The following RBFOX1 variants were observed in gnomAD, a reference collection of about 807,000 sequenced individuals.
RBFOX1 encodes the protein RNA binding fox-1 homolog 1.
In RBFOX1, 8 loss-of-function variants were observed where a neutral mutation model predicts 57.7. The ratio of observed to expected loss-of-function variants is 0.14; its 90% confidence interval spans 0.08 to 0.25. The LOEUF is 0.25. Among genes scored for constraint, RBFOX1 ranks in the 10% least tolerant of loss-of-function variants. The probability of loss-of-function intolerance (pLI) is 1.00; values close to 1 mark genes in which losing one functional copy is unlikely to be tolerated. For synonymous variants in RBFOX1, 326 were observed against 222.4 expected, an observed-to-expected ratio of 1.47 and a Z score of -4.15; for missense variants, 611 against 548.5, an observed-to-expected ratio of 1.11 and a Z score of -1.14.
intron 2 of RBFOX1, among the ~76,000 whole-genome samples, chr16:6,569,533 C>T (rs147197557): frequency 1.8e-4 from 27 of 152,182 alleles, no homozygotes; most frequent in Non-Finnish European, 3.1e-4. Context: ...ACCTCTGAGA[C>T]GAAGTCAGTC....
intron 3 of RBFOX1, among the ~76,000 whole-genome samples, chr16:6,749,602 C>A (rs1055290842): frequency 3.9e-5 from 6 of 152,118 alleles, no homozygotes; most frequent in African/African-American, 1.2e-4. Flanking sequence ...TTCATTGCAC[C>A]GTTTATTGAC....
intron 3 of RBFOX1, among the ~76,000 whole-genome samples, chr16:6,700,361 A>G (rs938573944): frequency 9.7e-6 from 1 of 103,356 alleles, no homozygotes; most frequent in African/African-American, 2.7e-5. Context: ...TTAAAACAAA[A>G]AAAAAAAGAA....
intron 3 of RBFOX1, among the ~76,000 whole-genome samples, chr16:6,715,162 A>T (rs1368979729): frequency 1.3e-5 from 2 of 152,190 alleles, no homozygotes; most frequent in African/African-American, 2.4e-5. Context: ...TAAAGACTTT[A>T]AGAAACCCTC....
chr16:7,252,570 A>G (rs986101067), intron 4 of RBFOX1, among the ~76,000 whole-genome samples: 2 of 152,232 alleles, frequency 1.3e-5, no homozygotes, highest in African/African-American at 4.8e-5. Context: ...CATCCAATAT[A>G]ACAGCAATCT....
chr16:6,522,311 G>T (rs1567544593), intron 2 of RBFOX1, among the ~76,000 whole-genome samples: 1 of 152,030 alleles, frequency 6.6e-6, no homozygotes, highest in Non-Finnish European at 1.5e-5. Context: ...GGGAGGGAAT[G>T]CCATAATTCC....
chr16:6,216,975 T>C (rs2097339703), intron 1 of RBFOX1, among the ~76,000 whole-genome samples: 1 of 152,284 alleles, frequency 6.6e-6, no homozygotes, highest in African/African-American at 2.4e-5. Flanking sequence ...CCACTTAAAC[T>C]GAAGCCCTTT....
At chr16:6,868,518 C>G (rs536159416) in intron 3 of RBFOX1, among the ~76,000 whole-genome samples, 1 of 152,050 alleles carries the variant, frequency 6.6e-6, no homozygotes, top group African/African-American at 2.4e-5. Flanking sequence ...GTCACCCAGG[C>G]TGGAGTGCGG....
At chr16:5,423,702 C>A (rs929871024) in intron 1 of RBFOX1, among the ~76,000 whole-genome samples, 7 of 152,202 alleles carry the variant, frequency 4.6e-5, no homozygotes. Flanking sequence ...CTCTGTCCCC[C>A]CTTCCATTGA....
At chr16:6,352,070 G>C (rs1428077396) in intron 2 of RBFOX1, among the ~76,000 whole-genome samples, 4 of 152,144 alleles carry the variant, frequency 2.6e-5, no homozygotes, top group African/African-American at 4.8e-5. Context: ...GAATGAGCTG[G>C]AGGTATCACA....
chr16:6,663,579 C>T (rs1014319390), intron 3 of RBFOX1, among the ~76,000 whole-genome samples: 4 of 152,156 alleles, frequency 2.6e-5, no homozygotes, highest in Non-Finnish European at 4.4e-5. Flanking sequence ...AAGACCAAAG[C>T]GAAGATACTT....
At chr16:6,952,084 C>G (rs556664898) in intron 3 of RBFOX1, among the ~76,000 whole-genome samples, 4 of 152,160 alleles carry the variant, frequency 2.6e-5, no homozygotes, top group African/African-American at 4.8e-5. Flanking sequence ...GTACCTTTAT[C>G]TTTCTGAAAA....
chr16:7,418,792 C>T (rs201703036), intron 4 of RBFOX1, among the ~76,000 whole-genome samples: 1 of 111,078 alleles, frequency 9.0e-6, no homozygotes, highest in African/African-American at 3.3e-5. Flanking sequence ...CTCTGTCTTT[C>T]TCTGTCTTCC....
In RBFOX1 at chr16:6,964,979, T is replaced by C. The variant is rs1442244069; in HGVS notation, c.-15-87078T>C. On this transcript the variant is annotated intron_variant, in intron 3 of 15. Coordinates refer to ENST00000550418, the MANE Select transcript of RBFOX1 (RefSeq NM_018723.4). ...GGCACTTAGCAGCGAGTGTGGCCTA[T>C]CCTACGTGCTTCATAAATGATGGTG... is the stretch of plus-strand genomic sequence containing the variant. Among the ~76,000 whole-genome samples, 4 of 152,266 alleles carry C rather than the reference T, an allele frequency of 2.6e-5. No individual in the cohort carries two copies. The South Asian group carries it at 8.3e-4, about 32-fold the overall frequency.
chr16:5,700,317 G>A (rs931003386), intron 3 of RBFOX1, among the ~76,000 whole-genome samples: 2 of 151,696 alleles, frequency 1.3e-5, no homozygotes, highest in African/African-American at 4.8e-5. Flanking sequence ...AAGGGTTAGT[G>A]GGTGGTAATG....
intron 3 of RBFOX1, among the ~76,000 whole-genome samples, chr16:6,812,079 A>G (rs975020742): frequency 6.6e-6 from 1 of 152,100 alleles, no homozygotes. Flanking sequence ...AAGTTGTATT[A>G]TCAGACTCCA....
intron 4 of RBFOX1, among the ~76,000 whole-genome samples, chr16:7,324,275 A>C (rs1684917835): frequency 6.6e-6 from 1 of 152,336 alleles, no homozygotes; most frequent in East Asian, 1.9e-4. Flanking sequence ...TGGTTCAGCC[A>C]GTTCAGCAAC....
chr16:6,724,367 G>T (rs1256727055), intron 3 of RBFOX1, among the ~76,000 whole-genome samples: 1 of 151,972 alleles, frequency 6.6e-6, no homozygotes, highest in Non-Finnish European at 1.5e-5. Context: ...ACTCCAGCAT[G>T]CCCAGCAAAT....
At chr16:6,429,158 G>A (rs954409217) in intron 2 of RBFOX1, among the ~76,000 whole-genome samples, 1 of 152,226 alleles carries the variant, frequency 6.6e-6, no homozygotes, top group African/African-American at 2.4e-5. Flanking sequence ...TGCCAGCTGT[G>A]ATTGGTGCTG....
intron 4 of RBFOX1, among the ~76,000 whole-genome samples, chr16:7,065,658 A>C (rs1226577234): frequency 6.6e-6 from 1 of 152,190 alleles, no homozygotes; most frequent in African/African-American, 2.4e-5. Context: ...TTTTAGGGTA[A>C]GAATACTTAA....
Sources: gnomAD v4.1 joint callset for allele counts (sites outside exome capture counted in the v4.1 genomes callset) on GRCh38, gnomAD v4.1.1 for gene constraint, MANE v1.5 for transcripts, NCBI Gene and HGNC (gene_info 2026-07-23, HGNC 2026-07-21) for gene names.